The following RBM33 variants were observed in gnomAD, a reference collection of about 807,000 sequenced individuals.
RBM33 encodes the protein RNA binding motif protein 33.
In RBM33, 28 loss-of-function variants were observed where a neutral mutation model predicts 132.6. That is an observed-to-expected ratio of 0.21 (90% CI 0.16 to 0.29). The LOEUF (loss-of-function observed/expected upper bound fraction) is 0.29. Among genes scored for constraint, RBM33 ranks in the 10% least tolerant of loss-of-function variants. The probability of loss-of-function intolerance (pLI) is 1.00; values close to 1 mark genes in which losing one functional copy is unlikely to be tolerated. For synonymous variants in RBM33, 634 were observed against 593.0 expected, an observed-to-expected ratio of 1.07 and a Z score of -1.01; for missense variants, 1,291 against 1,518.5, an observed-to-expected ratio of 0.85 and a Z score of 2.49.
chr7:155,769,430 C>T (rs936927139), intron 16 of RBM33, among the ~76,000 whole-genome samples: 2 of 152,214 alleles, frequency 1.3e-5, no homozygotes, highest in African/African-American at 4.8e-5. Flanking sequence ...GCCAGGGGGG[C>T]TGCCGTCCCC....
intron 14 of RBM33, chr7:155,746,709 A>G (rs1801528072): frequency 6.6e-6 from 1 of 152,218 alleles, no homozygotes; most frequent in Non-Finnish European, 1.5e-5. Context: ...TGAATTCTAT[A>G]ACAAATACTA....
intron 7 of RBM33, among the ~76,000 whole-genome samples, chr7:155,709,605 C>G (rs1800219921): frequency 6.6e-6 from 1 of 152,220 alleles, no homozygotes; most frequent in African/African-American, 2.4e-5. Context: ...TGATCTTTCC[C>G]TCAGAACTCT....
At chr7:155,654,381 C>G (rs987796954) in intron 1 of RBM33, among the ~76,000 whole-genome samples, 1 of 151,776 alleles carries the variant, frequency 6.6e-6, no homozygotes, top group East Asian at 1.9e-4. Flanking sequence ...TATGTTTTAT[C>G]GATTAATTAG....
At chr7:155,684,830 C>T in intron 5 of RBM33, 2 of 1,332,396 alleles carry the variant, frequency 1.5e-6, no homozygotes, top group Non-Finnish European at 2.0e-6. Context: ...CATAGTAAAA[C>T]TTTCTACAAT....
chr7:155,777,742 T>G lies in RBM33; in HGVS notation c.*2701T>G, dbSNP rs536242027. On this transcript the variant is annotated 3_prime_UTR_variant, in exon 18 of 18. Transcript: ENST00000401878. ...TTAGCTATTAGTTCTTTGTGTTGTC[T>G]TATCAAAGTTTAATGGATACAGTTC... The G allele has an allele frequency of 6.5e-5, 10 of 152,706 alleles. No individual in the cohort carries two copies. The highest frequency in any genetic ancestry group is 1.3e-4 in the Non-Finnish European group (9 of 68,052). The allele number at this position is 152,706 out of a possible 1,614,324, so 9.5% of individuals were successfully genotyped here.
At chr7:155,661,142 A>T (rs375367786) in intron 1 of RBM33, among the ~76,000 whole-genome samples, 14 of 60,456 alleles carry the variant, frequency 2.3e-4, no homozygotes, top group African/African-American at 7.4e-4. Context: ...ATATATATAT[A>T]TATATTTTTT....
chr7:155,657,060 C>T (rs1428430527), intron 1 of RBM33, among the ~76,000 whole-genome samples: 3 of 151,650 alleles, frequency 2.0e-5, no homozygotes, highest in Non-Finnish European at 4.4e-5. Context: ...ATACAGGTTT[C>T]ATGACTCTTC....
intron 1 of RBM33, among the ~76,000 whole-genome samples, chr7:155,654,482 C>T (rs867113510): frequency 1.3e-5 from 2 of 152,078 alleles, no homozygotes; most frequent in Non-Finnish European, 1.5e-5. Context: ...TCTAGTAATG[C>T]CCCAAATCTT....
chr7:155,764,113 GTA>G, intron 15 of RBM33, 95 bp downstream of exon 15: 1 of 937,600 alleles, frequency 1.1e-6, no homozygotes, highest in Non-Finnish European at 1.6e-6. Context: ...ATGGCACACA[GTA>G]GTACTCACAT....
At position 155,744,294 on chromosome 7, in the gene RBM33, T is replaced by G. The variant is rs74303805; in HGVS notation, c.2338-667T>G. ...CATTTTCCCTATTGGATGCTTTTTA[T>G]TGAAAGTTACTGGAGTTTTTCAAAG... On this transcript the variant is annotated intron_variant, in intron 13 of 17. Coordinates refer to ENST00000401878, the MANE Select transcript of RBM33 (RefSeq NM_053043.3). 2.9e-3 allele frequency among the ~76,000 whole-genome samples: 441 copies of G among 152,368 alleles called. 11 individuals carry two copies. In the East Asian group the frequency reaches 0.075, roughly 26 times the overall value.
At chr7:155,687,719 T>C (rs1015193683) in intron 5 of RBM33, among the ~76,000 whole-genome samples, 1 of 152,226 alleles carries the variant, frequency 6.6e-6, no homozygotes, top group African/African-American at 2.4e-5. Context: ...CCCAGCACCA[T>C]TTATTAAATA....
At chr7:155,703,818 TA>T (rs1390473603) in intron 6 of RBM33, among the ~76,000 whole-genome samples, 1 of 152,164 alleles carries the variant, frequency 6.6e-6, no homozygotes, top group African/African-American at 2.4e-5. Flanking sequence ...GAGATCAAAA[TA>T]AAAAAACCTG....
chr7:155,759,347 C>T (rs1801952689), intron 14 of RBM33, among the ~76,000 whole-genome samples: 1 of 151,498 alleles, frequency 6.6e-6, no homozygotes, highest in Admixed American at 6.6e-5. Flanking sequence ...TCACCAGTCT[C>T]TTACCCAAAA....
At chr7:155,727,995 C>T (rs527468585) in intron 9 of RBM33, among the ~76,000 whole-genome samples, 3 of 152,248 alleles carry the variant, frequency 2.0e-5, no homozygotes, top group African/African-American at 7.2e-5. Flanking sequence ...GTCTCGAACT[C>T]CTGGGCTCAA....
chr7:155,667,236 C>G lies in RBM33; in HGVS notation c.122+1983C>G, dbSNP rs534163195. Among the ~76,000 whole-genome samples, 9 of 152,158 alleles carry G rather than the reference C, an allele frequency of 5.9e-5. No homozygotes were observed. In the South Asian group the frequency reaches 1.2e-3, roughly 21 times the overall value. ...TAAAGTCAGGAAGTTTATCAGACAT[C>G]CAGTTCTATATATGTGAGGTTTATT... On this transcript the variant is annotated intron_variant, in intron 2 of 17. Transcript: ENST00000401878.
intron 2 of RBM33, among the ~76,000 whole-genome samples, chr7:155,670,306 G>C (rs1798911228): frequency 1.3e-5 from 2 of 152,172 alleles, no homozygotes; most frequent in South Asian, 4.1e-4. Flanking sequence ...TGATTTCCTA[G>C]AACACTTACT....
At chr7:155,703,333 G>T (rs1800020140) in intron 6 of RBM33, among the ~76,000 whole-genome samples, 1 of 152,174 alleles carries the variant, frequency 6.6e-6, no homozygotes, top group Non-Finnish European at 1.5e-5. Context: ...GTTGGTTTGT[G>T]GTGGGCAAGT....
chr7:155,680,336 A>AG (rs1799303642), intron 4 of RBM33, among the ~76,000 whole-genome samples: 1 of 152,200 alleles, frequency 6.6e-6, no homozygotes, highest in African/African-American at 2.4e-5. Flanking sequence ...TGATAAGTAG[A>AG]GGGGCTATAT....
chr7:155,714,487 T>C lies in RBM33; in HGVS notation c.1201+3032T>C, dbSNP rs184857758. The stretch of plus-strand genomic sequence containing the variant: ...GGCAGGGCACGGCAAGGGCCGTCTT[T>C]GTGTTTATTCAGACTGGAGCTGAAC... On this transcript the variant is annotated intron_variant, in intron 8 of 17. Coordinates refer to ENST00000401878, the MANE Select transcript of RBM33 (RefSeq NM_053043.3). Among the ~76,000 whole-genome samples, 25 of 152,226 alleles carry C rather than the reference T, an allele frequency of 1.6e-4. No homozygotes were observed. In the East Asian group the frequency reaches 4.6e-3, roughly 28 times the overall value.
Sources: allele counts gnomAD v4.1 joint callset (sites outside exome capture counted in the v4.1 genomes callset), GRCh38; gene constraint gnomAD v4.1.1; transcripts MANE v1.5; gene names NCBI Gene and HGNC (gene_info 2026-07-23, HGNC 2026-07-21).